SOD2: variants seen among roughly 807,000 people sequenced by gnomAD.
The protein encoded by SOD2 is superoxide dismutase [Mn], mitochondrial.
Under a neutral mutation model 27.0 loss-of-function variants are expected in SOD2, and 11 were observed. That is an observed-to-expected ratio of 0.41 (90% CI 0.26 to 0.67). The LOEUF (loss-of-function observed/expected upper bound fraction) is 0.67, where lower values mean the gene tolerates loss of function less well. SOD2 is among the 30% of genes least tolerant of loss of function. The probability of loss-of-function intolerance (pLI) is 0.34; values close to 1 mark genes in which losing one functional copy is unlikely to be tolerated. For missense variants in SOD2, 250 were observed against 274.5 expected, an observed-to-expected ratio of 0.91 and a Z score of 0.63; for synonymous variants, 105 against 103.0, an observed-to-expected ratio of 1.02 and a Z score of -0.12.
At chr6:159,746,058 A>G (rs1779557202), upstream of SOD2, among the ~76,000 whole-genome samples, 1 of 152,230 alleles carries the variant, frequency 6.6e-6, no homozygotes, top group Non-Finnish European at 1.5e-5. Flanking sequence ...GAAATCCAGC[A>G]TTCCCTCCTC....
chr6:159,715,795 G>T (rs1464457048), intron 1 of SOD2, among the ~76,000 whole-genome samples: 1 of 152,162 alleles, frequency 6.6e-6, no homozygotes, highest in Middle Eastern at 3.4e-3. Flanking sequence ...AGCTACCTGG[G>T]GGGCTGAGGT....
intron 1 of SOD2, among the ~76,000 whole-genome samples, chr6:159,715,768 TTCA>T (rs1777912705): frequency 6.6e-6 from 1 of 151,826 alleles, no homozygotes; most frequent in Admixed American, 6.6e-5. Context: ...GGTATGGTAG[TTCA>T]CACCTGTAGT....
intron 1 of SOD2, among the ~76,000 whole-genome samples, chr6:159,752,222 A>G (rs1464535736): frequency 6.6e-6 from 1 of 152,248 alleles, no homozygotes; most frequent in African/African-American, 2.4e-5. Context: ...ACTAGAATTT[A>G]AAAAATGTTT....
chr6:159,744,343 T>C (rs1779438357), intron 1 of SOD2, among the ~76,000 whole-genome samples: 1 of 152,228 alleles, frequency 6.6e-6, no homozygotes, highest in East Asian at 1.9e-4. Context: ...TCTTACGGTG[T>C]AATTATACAA....
Position 159,676,586 on chromosome 6 carries a change from G to C in SOD2, c.*5907C>G, listed in dbSNP as rs569380448. ...CACAGGAAGGGGAACATCACACACC[G>C]GGGCCTGTCGAGGGGTGGGGAGAAG... On this transcript the variant is annotated 3_prime_UTR_variant, in exon 5 of 5. Transcript: ENST00000538183. The C allele has an allele frequency of 2.0e-5, 3 of 152,010 alleles. No homozygotes were observed. Among genetic ancestry groups the C allele is most frequent in the African/African-American group, 7.3e-5 (3 of 41,368 alleles). The allele number at this position is 152,010 out of a possible 1,614,324, so 9.4% of individuals were successfully genotyped here. A position where few individuals can be genotyped will look rare whatever the true frequency, so the allele number is the denominator to read the frequency against.
chr6:159,708,883 A>AACCAAAACAGCATAGTACTGGT (rs557333775), intron 1 of SOD2, among the ~76,000 whole-genome samples: 2,248 of 151,812 alleles, frequency 0.015, 71 homozygotes, highest in African/African-American at 0.052. Flanking sequence ...AGACTACAGT[A>AACCAAAACAGCATAGTACTGGT]ACCAAAACAG....
upstream of SOD2, among the ~76,000 whole-genome samples, chr6:159,693,801 CT>C (rs1777359327): frequency 6.6e-6 from 1 of 152,236 alleles, no homozygotes; most frequent in African/African-American, 2.4e-5. Flanking sequence ...AGCCAGCGCC[CT>C]TCCAACCCGT....
chr6:159,759,141 C>A (rs1780072222), intron 1 of SOD2, among the ~76,000 whole-genome samples: 1 of 150,764 alleles, frequency 6.6e-6, no homozygotes, highest in Non-Finnish European at 1.5e-5. Context: ...CCCACCACAA[C>A]CTCCGCCTCC....
intron 1 of SOD2, among the ~76,000 whole-genome samples, chr6:159,720,847 C>CT (rs763455003): frequency 0.034 from 2,047 of 59,892 alleles, 644 homozygotes; most frequent in African/African-American, 0.078. Flanking sequence ...TTTTCTTTAC[C>CT]TTTTTTTTTT....
exon 1 of SOD2, chr6:159,762,269 C>T: frequency 2.3e-6 from 3 of 1,309,012 alleles, no homozygotes; most frequent in Non-Finnish European, 3.1e-6. Flanking sequence ...CCGCGAGGAG[C>T]CGCGGGATCC....
At chr6:159,744,425 C>T (rs1173133588) in intron 1 of SOD2, among the ~76,000 whole-genome samples, 1 of 152,138 alleles carries the variant, frequency 6.6e-6, no homozygotes, top group Non-Finnish European at 1.5e-5. Flanking sequence ...TTTGTGTACT[C>T]TCCCTTCATT....
intron 1 of SOD2, among the ~76,000 whole-genome samples, chr6:159,699,926 G>T (rs1428506284): frequency 6.6e-6 from 1 of 152,146 alleles, no homozygotes; most frequent in Non-Finnish European, 1.5e-5. Context: ...TGATATCACA[G>T]TATTTCTGGG....
upstream of SOD2, chr6:159,727,529 A>C: frequency 4.0e-6 from 4 of 991,978 alleles, no homozygotes; most frequent in Non-Finnish European, 4.8e-6. Context: ...ATTTTGTGGC[A>C]GCGAGACCCA....
chr6:159,734,618 C>T (rs1389746067), intron 1 of SOD2, among the ~76,000 whole-genome samples: 2 of 152,066 alleles, frequency 1.3e-5, no homozygotes, highest in Non-Finnish European at 2.9e-5. Flanking sequence ...CAAGACTAGC[C>T]TGGGCACTAT....
chr6:159,710,778 A>ACCACTCAGCTGCTCTGACCTCCATAACCG (rs1777723931), intron 1 of SOD2, among the ~76,000 whole-genome samples: 1 of 148,678 alleles, frequency 6.7e-6, no homozygotes, highest in African/African-American at 2.5e-5. Context: ...CTCCATAACC[A>ACCACTCAGCTGCTCTGACCTCCATAACCG]CCACTCAGCT....
At chr6:159,701,971 C>T (rs1777530159) in intron 1 of SOD2, among the ~76,000 whole-genome samples, 1 of 152,122 alleles carries the variant, frequency 6.6e-6, no homozygotes, top group African/African-American at 2.4e-5. Flanking sequence ...CTCACTTTTT[C>T]CTAGAGAACA....
intron 1 of SOD2, chr6:159,743,717 G>A (rs770403122): frequency 6.2e-7 from 1 of 1,613,632 alleles, no homozygotes; most frequent in East Asian, 2.2e-5. Context: ...AGCAACAACA[G>A]CAGGAGTCTG....
chr6:159,687,303 G>A (rs948920492), intron 3 of SOD2, among the ~76,000 whole-genome samples: 1 of 152,126 alleles, frequency 6.6e-6, no homozygotes, highest in South Asian at 2.1e-4. Context: ...CCGCCAACAT[G>A]GTGAAACCCT....
chr6:159,727,752 C>T (rs1051159294), upstream of SOD2: 3 of 982,772 alleles, frequency 3.1e-6, no homozygotes, highest in Admixed American at 6.1e-5. Context: ...CCTCCGGGGC[C>T]TGAGGGCTGA....
Sources: gnomAD v4.1 joint callset for allele counts (sites outside exome capture counted in the v4.1 genomes callset) on GRCh38, gnomAD v4.1.1 for gene constraint, MANE v1.5 for transcripts, NCBI Gene and HGNC (gene_info 2026-07-23, HGNC 2026-07-21) for gene names.